The following CDH18 variants were observed in gnomAD, a reference collection of about 807,000 sequenced individuals.
The protein encoded by CDH18 is cadherin 18.
A neutral mutation model predicts 67.9 loss-of-function variants in CDH18; 31 were observed. That is an observed-to-expected ratio of 0.46 (90% CI 0.34 to 0.62). CDH18 has a LOEUF of 0.62. Among genes scored for constraint, CDH18 ranks in the 20% least tolerant of loss-of-function variants. CDH18 has a pLI of 0.01. For missense variants in CDH18, 890 were observed against 975.5 expected (o/e 0.91, Z 1.17); for synonymous variants, 362 against 347.2 (o/e 1.04, Z -0.48).
intron 2 of CDH18, among the ~76,000 whole-genome samples, chr5:20,052,997 C>T (rs768398016): frequency 1.6e-4 from 24 of 148,868 alleles, no homozygotes; most frequent in Admixed American, 2.7e-4. Flanking sequence ...CTCAAATAAA[C>T]TCTCTACAAT....
chr5:20,020,517 A>G (rs1022596674), intron 2 of CDH18, among the ~76,000 whole-genome samples: 1 of 152,132 alleles, frequency 6.6e-6, no homozygotes, highest in African/African-American at 2.4e-5. Flanking sequence ...ACCTCAAGAC[A>G]CTGCTCCCTG....
chr5:19,912,497 T>C (rs1791262363), intron 2 of CDH18, among the ~76,000 whole-genome samples: 1 of 152,200 alleles, frequency 6.6e-6, no homozygotes, highest in Non-Finnish European at 1.5e-5. Flanking sequence ...AACCATTTTC[T>C]GAACAAAACT....
chr5:19,593,710 T>TCCTCCTCCTCCTC (rs1561425870), intron 6 of CDH18, among the ~76,000 whole-genome samples: 1 of 8,732 alleles, frequency 1.1e-4, no homozygotes, highest in African/African-American at 6.3e-4. Context: ...TCCTCCTCCT[T>TCCTCCTCCTCCTC]CTTCTTCTTC....
chr5:20,289,034 A>T (rs1746905064), intron 1 of CDH18, among the ~76,000 whole-genome samples: 1 of 151,960 alleles, frequency 6.6e-6, no homozygotes, highest in Admixed American at 6.6e-5. Context: ...TACCTGGATC[A>T]TGTCAAATTC....
chr5:20,547,149 G>A (rs1049484236), intron 1 of CDH18, among the ~76,000 whole-genome samples: 12 of 152,070 alleles, frequency 7.9e-5, no homozygotes, highest in Non-Finnish European at 1.3e-4. Flanking sequence ...TAAATTTACC[G>A]ATTCAATTTA....
chr5:19,548,136 A>G (rs1374661633), intron 8 of CDH18, among the ~76,000 whole-genome samples: 3 of 152,158 alleles, frequency 2.0e-5, no homozygotes, highest in African/African-American at 7.2e-5. Flanking sequence ...AAGTAAAAAA[A>G]TCAATACTTT....
chr5:19,826,166 A>G (rs1412151670), intron 3 of CDH18, among the ~76,000 whole-genome samples: 2 of 152,154 alleles, frequency 1.3e-5, no homozygotes, highest in East Asian at 3.9e-4. Context: ...AGTAACAGGC[A>G]TGAAAAATAA....
chr5:20,233,334 TCTC>T (rs1050160464), intron 2 of CDH18, among the ~76,000 whole-genome samples: 9 of 148,920 alleles, frequency 6.0e-5, no homozygotes, highest in African/African-American at 7.5e-5. Flanking sequence ...ACACTGTTTT[TCTC>T]CTATTTAAAT....
intron 1 of CDH18, among the ~76,000 whole-genome samples, chr5:20,514,510 C>CT (rs1275531234): frequency 2.6e-5 from 4 of 152,062 alleles, no homozygotes; most frequent in Non-Finnish European, 5.9e-5. Context: ...GGAGTTCAGA[C>CT]TTTTGTTTTG....
intron 1 of CDH18, among the ~76,000 whole-genome samples, chr5:20,486,586 C>T (rs948532322): frequency 2.7e-5 from 4 of 150,782 alleles, no homozygotes; most frequent in Non-Finnish European, 5.9e-5. Flanking sequence ...TTTTGGATCC[C>T]TTTTTTTTGA....
chr5:19,666,237 T>TTATTATTA (rs1757908537), intron 5 of CDH18, among the ~76,000 whole-genome samples: 2 of 128,162 alleles, frequency 1.6e-5, no homozygotes, highest in Admixed American at 8.2e-5. Flanking sequence ...CTGTATGATT[T>TTATTATTA]TTATTATTAT....
intron 2 of CDH18, among the ~76,000 whole-genome samples, chr5:19,864,833 A>G (rs1785309245): frequency 6.6e-6 from 1 of 152,176 alleles, no homozygotes; most frequent in Non-Finnish European, 1.5e-5. Context: ...TGCCACTCTT[A>G]CATGTGACCC....
At position 19,586,581 on chromosome 5, in the gene CDH18, AC is replaced by A. The variant is rs534588535; in HGVS notation, c.999+4475del. 2.5e-3 allele frequency among the ~76,000 whole-genome samples: 378 copies of A among 152,268 alleles called. 1 individual carries two copies. The highest frequency in any genetic ancestry group is 4.4e-3 in the Non-Finnish European group (302 of 68,026). On this transcript the variant is annotated intron_variant, in intron 7 of 12. Coordinates refer to ENST00000382275, the MANE Select transcript of CDH18 (RefSeq NM_004934.5). ...GCATAGTATTGCGTGGTGTATATGC[AC>A]CACATTATCTTTACCTAGTCTATCA...
intron 2 of CDH18, among the ~76,000 whole-genome samples, chr5:20,012,792 C>T (rs1737566705): frequency 6.6e-6 from 1 of 151,910 alleles, no homozygotes; most frequent in Non-Finnish European, 1.5e-5. Context: ...CTTCAGCAAA[C>T]TAACATAGGA....
At chr5:20,398,715 A>G (rs952401500) in intron 1 of CDH18, among the ~76,000 whole-genome samples, 1 of 152,056 alleles carries the variant, frequency 6.6e-6, no homozygotes, top group African/African-American at 2.4e-5. Context: ...ACGTATAACC[A>G]TGTAAAAAAC....
intron 1 of CDH18, among the ~76,000 whole-genome samples, chr5:20,301,729 G>A (rs1280688584): frequency 6.7e-6 from 1 of 149,988 alleles, no homozygotes; most frequent in African/African-American, 2.4e-5. Flanking sequence ...TACTAGTAAT[G>A]TAGAATATTA....
intron 1 of CDH18, among the ~76,000 whole-genome samples, chr5:20,351,532 A>G (rs1741184367): frequency 6.6e-6 from 1 of 151,728 alleles, no homozygotes; most frequent in South Asian, 2.1e-4. Context: ...TATTTCCAGT[A>G]TTGTAAACTT....
intron 1 of CDH18, among the ~76,000 whole-genome samples, chr5:20,564,051 A>T (rs1758362639): frequency 6.6e-6 from 1 of 152,004 alleles, no homozygotes; most frequent in African/African-American, 2.4e-5. Context: ...TTTAGAAACC[A>T]TCAAAGACTT....
chr5:19,746,773 C>G (rs895509856), intron 4 of CDH18, among the ~76,000 whole-genome samples, 169 bp downstream of exon 4: 18 of 152,088 alleles, frequency 1.2e-4, no homozygotes, highest in African/African-American at 4.3e-4. Flanking sequence ...AATTGCTAGA[C>G]CCAATAGTCT....
Sources: gnomAD v4.1 joint callset for allele counts (sites outside exome capture counted in the v4.1 genomes callset) on GRCh38, gnomAD v4.1.1 for gene constraint, MANE v1.5 for transcripts, NCBI Gene and HGNC (gene_info 2026-07-23, HGNC 2026-07-21) for gene names.